Variants in PFKP observed in about 807,000 individuals in gnomAD.
PFKP encodes ATP-dependent 6-phosphofructokinase, platelet type.
PFKP carries 101 observed loss-of-function variants against 94.3 expected under a neutral mutation model. The ratio of observed to expected loss-of-function variants is 1.07; its 90% CI spans 0.91 to 1.26. PFKP has a LOEUF of 1.26. Among genes scored for constraint, PFKP ranks in the 50% most tolerant of loss-of-function variants. The pLI is 0.00. For synonymous variants in PFKP, 573 were observed against 432.6 expected, an observed-to-expected ratio of 1.32 and a Z score of -4.03; for missense variants, 1,145 against 1,103.3, an observed-to-expected ratio of 1.04 and a Z score of -0.53.
At chr10:3,110,033 G>C (rs1176735407) in intron 10 of PFKP, among the ~76,000 whole-genome samples, 2 of 152,120 alleles carry the variant, frequency 1.3e-5, no homozygotes, top group Non-Finnish European at 2.9e-5. Flanking sequence ...TCAGGTCTGT[G>C]ATGGGACACA....
At chr10:3,090,527 C>G (rs1833961935) in intron 2 of PFKP, among the ~76,000 whole-genome samples, 1 of 152,188 alleles carries the variant, frequency 6.6e-6, no homozygotes, top group Admixed American at 6.5e-5. Context: ...CATCTATTCA[C>G]AGATGGCTCT....
Position 3,103,882 on chromosome 10 carries a change from C to T in PFKP, c.558C>T (p.Gly186=), listed in dbSNP as rs1320317159. ...NDFCGTDMTI[G]TDSALHRIIE... ...TCTGCGGCACCGACATGACCATCGG[C>T]ACGGACTCCGCCCTGCACAGGATCA... The change falls in exon 5 of 22, where the codon GGC becomes GGT. Residue 186 remains glycine (G), a synonymous_variant. Transcript: ENST00000381125. The T allele has an allele frequency of 1.2e-6, 2 of 1,613,906 alleles. No individual in the cohort carries two copies. Among genetic ancestry groups the T allele is most frequent in the East Asian group, 2.2e-5 (1 of 44,882 alleles).
intron 1 of PFKP, among the ~76,000 whole-genome samples, chr10:3,069,069 G>T (rs949175745): frequency 4.0e-5 from 6 of 151,182 alleles, no homozygotes; most frequent in Non-Finnish European, 7.4e-5. Flanking sequence ...CCGGCCCGTC[G>T]TCTCCACGAG....
chr10:3,105,472 G>A lies in PFKP; in HGVS notation c.745G>A (p.Glu249Lys), dbSNP rs1177487630. 1 of 1,613,920 alleles carries A rather than the reference G, an allele frequency of 6.2e-7. No homozygotes were observed. Among genetic ancestry groups the A allele is most frequent in the South Asian group, 1.1e-5 (1 of 91,068 alleles). ...LPESPPEEGW[E>K]EQMCVKLSEN... is the part of the protein sequence containing the mutation. ...AGAATCTCCACCAGAGGAAGGCTGG[G>A]AGGAGCAGATGTGTGTCAAACTCTC... Residue 249 changes from glutamate to lysine, a missense_variant, in exon 7 of 22, where the codon GAG becomes AAG. Around this residue, in one of 3 missense-constraint regions of PFKP, gnomAD observed 1,119 missense variants for 1,062.8 expected, o/e 1.05. Transcript: ENST00000381125.
At chr10:3,107,535 C>T (rs1835755127) in intron 8 of PFKP, among the ~76,000 whole-genome samples, 1 of 152,250 alleles carries the variant, frequency 6.6e-6, no homozygotes, top group African/African-American at 2.4e-5. Flanking sequence ...CGTAGAGGTT[C>T]CGGGACTCCC....
intron 16 of PFKP, among the ~76,000 whole-genome samples, chr10:3,128,346 C>A (rs541868905): frequency 6.6e-6 from 1 of 152,078 alleles, no homozygotes; most frequent in African/African-American, 2.4e-5. Flanking sequence ...GGGGTGGCTC[C>A]GAGAGCCCCT....
chr10:3,069,283 C>G, intron 1 of PFKP: 1 of 1,508,742 alleles, frequency 6.6e-7, no homozygotes. Flanking sequence ...GGGCTGGGTT[C>G]TCAGAGAAAG....
chr10:3,078,845 C>T (rs1394730122), intron 1 of PFKP, among the ~76,000 whole-genome samples: 1 of 152,198 alleles, frequency 6.6e-6, no homozygotes, highest in South Asian at 2.1e-4. Context: ...CTGCCAGTCC[C>T]TGAGCTCAAG....
At position 3,136,719 on chromosome 10, in the gene PFKP, A is replaced by T; in HGVS notation, c.*140A>T. The T allele has an allele frequency of 1.3e-6, 1 of 764,298 alleles. No individual in the cohort carries two copies. 47.3% of individuals were successfully genotyped at this position (764,298 alleles called of 1,614,324 possible). A position where few individuals can be genotyped will look rare whatever the true frequency, so the allele number is the denominator to read the frequency against. On this transcript the variant is annotated 3_prime_UTR_variant, in exon 22 of 22. Coordinates refer to ENST00000381125, the MANE Select transcript of PFKP (RefSeq NM_002627.5). Reference sequence around the variant, plus strand: ...AGTGCCCATCTGCCCCACCTGCTCCAGTGCGTGCTGTCTGTGGAGTGTGTC... The same window carrying T: ...AGTGCCCATCTGCCCCACCTGCTCCTGTGCGTGCTGTCTGTGGAGTGTGTC...
intron 16 of PFKP, among the ~76,000 whole-genome samples, chr10:3,127,849 G>T (rs541534305): frequency 1.4e-4 from 22 of 152,222 alleles, no homozygotes; most frequent in Middle Eastern, 3.2e-3. Flanking sequence ...GGGAAGAAAA[G>T]AATCTGCCAA....
rs770888706 is a variant in PFKP, at chr10:3,113,510, A to C, written c.1363A>C (p.Lys455Gln). ...CTATGATGGCTTTGACGGCTTCGCC[A>C]AGGGCCAGGTGAGTCACCCAGGATG... ...AIYDGFDGFAKGQIKEIGWTD... is the reference protein window; with the variant it reads ...AIYDGFDGFAQGQIKEIGWTD... The change falls in exon 13 of 22, where the codon AAG becomes CAG. Residue 455 changes from lysine to glutamine, a missense_variant. Transcript: ENST00000381125. 10 of 1,612,444 alleles carry C rather than the reference A, an allele frequency of 6.2e-6. No homozygotes were observed. The Admixed American group carries it at 1.7e-4, about 27-fold the overall frequency.
At chr10:3,136,116 G>T (rs9423492) in intron 21 of PFKP, among the ~76,000 whole-genome samples, 62,893 of 151,846 alleles carry the variant, frequency 0.41, 13,422 homozygotes, top group African/African-American at 0.52. Flanking sequence ...ATACAAAAAT[G>T]AGCCAGGCAT....
rs148741331 is a variant in PFKP, at chr10:3,088,623, A to G, written c.186+6162A>G. Among the ~76,000 whole-genome samples the G allele has an allele frequency of 3.9e-3, 592 of 152,264 alleles. 4 individuals carry two copies. The highest frequency in any genetic ancestry group is 0.014 in the African/African-American group (567 of 41,552). ...CCAGAGTATGGGTGCAGTAACACTC[A>G]CTGCTTTTTAAAACATTTTTTATTT... On this transcript the variant is annotated intron_variant, in intron 2 of 21. Coordinates refer to ENST00000381125, the MANE Select transcript of PFKP (RefSeq NM_002627.5).
At chr10:3,069,196 GC>G in intron 1 of PFKP, 2 of 1,269,342 alleles carry the variant, frequency 1.6e-6, no homozygotes, top group Non-Finnish European at 2.0e-6. Flanking sequence ...CCCGCAGCCC[GC>G]CCTGCAGCGC....
chr10:3,114,430 A>C (rs1836589401), intron 13 of PFKP, among the ~76,000 whole-genome samples: 1 of 152,216 alleles, frequency 6.6e-6, no homozygotes, highest in African/African-American at 2.4e-5. Flanking sequence ...GATTACAGGC[A>C]TGACCCACCG....
intron 1 of PFKP, among the ~76,000 whole-genome samples, chr10:3,080,311 A>T (rs1832950594): frequency 6.6e-6 from 1 of 152,052 alleles, no homozygotes; most frequent in Non-Finnish European, 1.5e-5. Flanking sequence ...AGGTCAGGAG[A>T]TGGAGACCAT....
At chr10:3,134,672 G>C (rs761273516) in intron 20 of PFKP, 90 bp downstream of exon 20, 1 of 815,468 alleles carries the variant, frequency 1.2e-6, no homozygotes, top group Non-Finnish European at 2.1e-6. Context: ...GAAGTAGGGT[G>C]CTGGTTCCTT....
chr10:3,133,061 GA>G, intron 18 of PFKP, 141 bp from the exon 19 acceptor site: 1 of 682,596 alleles, frequency 1.5e-6, no homozygotes, highest in Non-Finnish European at 2.7e-6. Flanking sequence ...GCAAAACCGT[GA>G]ACTGGAGGGA....
chr10:3,077,261 C>CTTTTCTTTTTTTTTTTTTT (rs1832678032), intron 1 of PFKP, among the ~76,000 whole-genome samples: 1 of 84,238 alleles, frequency 1.2e-5, no homozygotes, highest in Non-Finnish European at 2.1e-5. Context: ...TTTTTTTTTT[C>CTTTTCTTTTTTTTTTTTTT]TTTTTTTTTT....
Sources: allele counts gnomAD v4.1 joint callset (sites outside exome capture counted in the v4.1 genomes callset), GRCh38; gene constraint gnomAD v4.1.1; regional missense constraint gnomAD v4.1.1; transcripts MANE v1.5; gene names NCBI Gene and HGNC (gene_info 2026-07-23, HGNC 2026-07-21).